Variants in GPRC5C observed in about 807,000 individuals in gnomAD.
GPRC5C encodes the protein G protein-coupled receptor class C group 5 member C, also known as G protein-coupled receptor family C group 5 member C.
GPRC5C carries 22 observed loss-of-function variants against 31.4 expected under a neutral mutation model. The observed-to-expected ratio is 0.70, with a 90% CI of 0.50 to 1.00. The LOEUF (loss-of-function observed/expected upper bound fraction) is 1.00. Among genes scored for constraint, GPRC5C ranks in the 50% least tolerant of loss-of-function variants. The pLI, the probability that GPRC5C is intolerant of heterozygous loss-of-function variation, is 0.00. For synonymous variants in GPRC5C, 249 were observed against 257.5 expected (o/e 0.97, Z 0.32); for missense variants, 557 against 597.2 (o/e 0.93, Z 0.70).
At chr17:74,434,768 C>T (rs2055407345) in intron 1 of GPRC5C, among the ~76,000 whole-genome samples, 1 of 152,006 alleles carries the variant, frequency 6.6e-6, no homozygotes, top group Non-Finnish European at 1.5e-5. Flanking sequence ...ACTAAAAATA[C>T]AAAAATTAGT....
rs149708321 is a variant in GPRC5C at position 74,439,909 on chromosome 17, C to T, written c.133C>T (p.Arg45Cys). 4.7e-5 allele frequency: 76 copies of T among 1,612,576 alleles called. No individual in the cohort carries two copies. The highest frequency in any genetic ancestry group is 5.9e-5 in the Non-Finnish European group (70 of 1,180,026). The part of the protein sequence containing the change: ...LNPLYYNLCD[R>C]SGAWGIVLEA... ...CCCCCTGTACTACAACCTGTGTGAC[C>T]GCTCTGGGGCGTGGGGCATCGTCCT... is the stretch of plus-strand genomic sequence containing the variant. Residue 45 changes from arginine to cysteine, a missense_variant, in exon 2 of 4, where the codon CGC becomes TGC. Arg to Cys is a radical substitution (Grantham distance 180). Coordinates refer to ENST00000392627, the MANE Select transcript of GPRC5C (RefSeq NM_022036.4).
rs908887198 is a variant in GPRC5C at position 74,439,736 on chromosome 17, T to A, written c.-32-9T>A. 1 of 1,584,956 alleles carries A rather than the reference T, an allele frequency of 6.3e-7. No homozygotes were observed. The highest frequency in any genetic ancestry group is 1.8e-5 in the Admixed American group (1 of 55,256). ...GGACTAATTTTGTCCCTTTTCCTTC[T>A]GTCTCTAGGGACCCAACCAGAGCCT... On this transcript the variant is annotated splice_polypyrimidine_tract_variant and intron_variant, in intron 1 of 3. Coordinates refer to ENST00000392627, the MANE Select transcript of GPRC5C (RefSeq NM_022036.4).
At position 74,446,952 on chromosome 17, in the gene GPRC5C, A is replaced by G. The variant is rs556337705; in HGVS notation, c.1250A>G (p.Gln417Arg). The change falls in exon 4 of 4, where the codon CAG (glutamine) becomes CGG (arginine). Residue 417 changes from glutamine to arginine, a missense_variant. Coordinates refer to ENST00000392627, the MANE Select transcript of GPRC5C (RefSeq NM_022036.4). ...TLRAEDMYSA[Q>R]SHQAATPPKD... is the part of the protein sequence containing the mutation. ...CGGGCTGAAGACATGTACTCGGCCCAGAGCCACCAGGCGGCCACACCGCCG... is the reference window on the plus strand; with the variant it reads ...CGGGCTGAAGACATGTACTCGGCCCGGAGCCACCAGGCGGCCACACCGCCG... 6.8e-6 allele frequency: 11 copies of G among 1,614,180 alleles called. No homozygotes were observed. The African/African-American group carries it at 1.5e-4, about 22-fold the overall frequency.
chr17:74,447,552 T>C (rs763877718), downstream of GPRC5C: 24 of 172,080 alleles, frequency 1.4e-4, no homozygotes, highest in Non-Finnish European at 2.7e-4. Context: ...TTAAAGCTGC[T>C]GCAGATTTTT....
intron 2 of GPRC5C, 46 bp from the exon 3 acceptor site, chr17:74,443,772 G>T: frequency 7.3e-7 from 1 of 1,367,618 alleles, no homozygotes; most frequent in African/African-American, 1.4e-5. Context: ...GGGGAAGGGA[G>T]CTGAGAGCCC....
At chr17:74,433,296 C>A (rs1424313415) in intron 1 of GPRC5C, among the ~76,000 whole-genome samples, 1 of 152,056 alleles carries the variant, frequency 6.6e-6, no homozygotes, top group Admixed American at 6.6e-5. Flanking sequence ...GGGGGTGGGG[C>A]GCATTCCAGA....
Position 74,440,093 on chromosome 17 carries a change from C to A in GPRC5C, c.317C>A (p.Ala106Asp), listed in dbSNP as rs188383289. 11 of 1,613,888 alleles carry A rather than the reference C, an allele frequency of 6.8e-6. No individual in the cohort carries two copies. The African/African-American group carries it at 1.5e-4, about 22-fold the overall frequency. Residue 106 changes from alanine to aspartate, a missense_variant, in exon 2 of 4, where the codon GCC becomes GAC. By Grantham distance (126) the Ala-to-Asp change is moderately radical. Transcript: ENST00000392627. The surrounding 1 kb of genome is among the most constrained non-coding windows in gnomAD (Gnocchi z 4.4). ...GTLGLFCLVF[A>D]CVVKPDFSTC... ...CTGGGCCTCTTCTGCCTCGTGTTTG[C>A]CTGTGTGGTGAAGCCCGACTTCTCC...
chr17:74,443,656 C>G (rs1260936313), intron 2 of GPRC5C, 162 bp from the exon 3 acceptor site: 2 of 666,156 alleles, frequency 3.0e-6, no homozygotes, highest in Non-Finnish European at 2.8e-6. Context: ...TGTTCACAAC[C>G]TCACCCCCAA....
intron 2 of GPRC5C, among the ~76,000 whole-genome samples, chr17:74,442,672 C>G (rs1397269646): frequency 6.6e-6 from 1 of 152,250 alleles, no homozygotes; most frequent in Non-Finnish European, 1.5e-5. Flanking sequence ...GAATCAGAGA[C>G]ATTCCTTTCT....
chr17:74,439,813 C>T lies in GPRC5C; in HGVS notation c.37C>T (p.Leu13=). Residue 13 remains leucine, a synonymous_variant, in exon 2 of 4, where the codon CTG becomes TTG. Transcript: ENST00000392627. ...CAAAGCCTTGGTGATGTGCCTGGGA[C>T]TGCCTCTCTTCCTGTTCCCAGGGGC... ...IHKALVMCLG[L]PLFLFPGAWA... 1 of 1,613,650 alleles carries T rather than the reference C, an allele frequency of 6.2e-7. No homozygotes were observed. Among genetic ancestry groups the T allele is most frequent in the Non-Finnish European group, 8.5e-7 (1 of 1,179,924 alleles).
intron 2 of GPRC5C, among the ~76,000 whole-genome samples, chr17:74,441,530 A>G (rs2055539676): frequency 6.6e-6 from 1 of 152,106 alleles, no homozygotes; most frequent in Non-Finnish European, 1.5e-5. Flanking sequence ...TGAGGATTGA[A>G]TTAATTAGTG....
At chr17:74,450,331 G>A (rs539960839), downstream of GPRC5C, 1 of 152,438 alleles carries the variant, frequency 6.6e-6, no homozygotes, top group South Asian at 2.1e-4. Context: ...AACATCTCTG[G>A]TCAGGGCCTG....
At position 74,447,048 on chromosome 17, in the gene GPRC5C, G is replaced by A; in HGVS notation, c.*20G>A. ...GACTGAGTCAGCGGTGGCGAGGAGA[G>A]GCGGGCGGATTTGGGGAGGGCCCTG... On this transcript the variant is annotated 3_prime_UTR_variant, in exon 4 of 4. Transcript: ENST00000392627. 1 of 1,601,996 alleles carries A rather than the reference G, an allele frequency of 6.2e-7. No homozygotes were observed. The highest frequency in any genetic ancestry group is 8.5e-7 in the Non-Finnish European group (1 of 1,170,494).
chr17:74,433,341 A>G (rs1438167369), intron 1 of GPRC5C, among the ~76,000 whole-genome samples: 2 of 150,868 alleles, frequency 1.3e-5, no homozygotes, highest in East Asian at 3.9e-4. Flanking sequence ...AAGATTTCCA[A>G]GTCTCAGAGA....
Position 74,440,050 on chromosome 17 carries a change from T to C in GPRC5C, c.274T>C (p.Phe92Leu). The change falls in exon 2 of 4, where the codon TTC becomes CTC. Residue 92 changes from phenylalanine (F) to leucine (L), a missense_variant. Coordinates refer to ENST00000392627, the MANE Select transcript of GPRC5C (RefSeq NM_022036.4). The surrounding 1 kb of genome is among the most constrained non-coding windows in gnomAD (Gnocchi z 4.4). Reference protein sequence around the residue: ...KKRSLLGTQVFFLLGTLGLFC... With the variant: ...KKRSLLGTQVLFLLGTLGLFC... ...ACGGAGCCTGCTGGGGACCCAGGTA[T>C]TCTTCCTTCTGGGGACCCTGGGCCT... 6.2e-7 allele frequency: 1 copy of C among 1,612,316 alleles called. No homozygotes were observed.
intron 3 of GPRC5C, chr17:74,446,151 C>T (rs1168187416): frequency 6.6e-6 from 1 of 151,596 alleles, no homozygotes; most frequent in African/African-American, 2.4e-5. Context: ...GCGGTCGACT[C>T]GGGGTAATAT....
chr17:74,440,612 C>T lies in GPRC5C; in HGVS notation c.836C>T (p.Thr279Met). ...AACAGTCCCACCTGGGATGACCCCA[C>T]GCTGGCCATCGCCCTCGCCGCCAAT... is the stretch of plus-strand genomic sequence containing the variant. ...QHNSPTWDDP[T>M]LAIALAANAW... The change falls in exon 2 of 4, where the codon ACG becomes ATG. Residue 279 changes from threonine (T) to methionine (M), a missense_variant. Coordinates refer to ENST00000392627, the MANE Select transcript of GPRC5C (RefSeq NM_022036.4). This position sits in a 1 kb window ranked among gnomAD's most constrained non-coding sequence, Gnocchi z 4.4. 1.2e-6 allele frequency: 2 copies of T among 1,610,202 alleles called. No individual in the cohort carries two copies. The highest frequency in any genetic ancestry group is 1.7e-6 in the Non-Finnish European group (2 of 1,176,688).
At chr17:74,443,269 A>G (rs1020052952) in intron 2 of GPRC5C, 9 of 220,592 alleles carry the variant, frequency 4.1e-5, no homozygotes, top group Non-Finnish European at 7.3e-5. Flanking sequence ...AGGGGGCCAC[A>G]GGCTGGGACG....
intron 1 of GPRC5C, among the ~76,000 whole-genome samples, chr17:74,432,766 G>A (rs893712062): frequency 2.0e-5 from 3 of 151,882 alleles, no homozygotes; most frequent in Non-Finnish European, 4.4e-5. Flanking sequence ...TCTCCAAGAG[G>A]AGCCCCTCCA....
Sources: allele counts gnomAD v4.1 joint callset (sites outside exome capture counted in the v4.1 genomes callset), GRCh38; gene constraint gnomAD v4.1.1; non-coding constraint Gnocchi (gnomAD v3.1); transcripts MANE v1.5; gene names NCBI Gene and HGNC (gene_info 2026-07-23, HGNC 2026-07-21).